TIMELESS: variants seen among roughly 807,000 people sequenced by gnomAD.
TIMELESS encodes protein timeless homolog.
TIMELESS carries 124 observed loss-of-function variants against 164.3 expected under a neutral mutation model. The ratio of observed to expected loss-of-function variants is 0.75; its 90% confidence interval spans 0.65 to 0.88. The LOEUF (loss-of-function observed/expected upper bound fraction) is 0.88. TIMELESS is among the 40% of genes least tolerant of loss of function. The pLI is 0.00. For missense variants in TIMELESS, 1,422 were observed against 1,491.4 expected (o/e 0.95, Z 0.77); for synonymous variants, 564 against 563.4 (o/e 1.00, Z -0.02).
intron 21 of TIMELESS, 32 bp downstream of exon 21, chr12:56,421,867 C>G (rs769301886): frequency 2.5e-6 from 4 of 1,613,246 alleles, no homozygotes; most frequent in Middle Eastern, 1.6e-4. Flanking sequence ...GAGTCCCCAT[C>G]CCAATAGCCT....
rs753391222 is a variant in TIMELESS, at chr12:56,420,794, G to C, written c.3109+19C>G. ...AGCCTCCAGGGCTCTTCTCCTAAAAGTGTCACCTGTCCACTCACCATCCTC... is the reference window on the plus strand; with the variant it reads ...AGCCTCCAGGGCTCTTCTCCTAAAACTGTCACCTGTCCACTCACCATCCTC... On this transcript the variant is annotated intron_variant, in intron 25 of 28. Transcript: ENST00000553532. 1.9e-6 allele frequency: 3 copies of C among 1,614,140 alleles called. No individual in the cohort carries two copies. Among genetic ancestry groups the C allele is most frequent in the Non-Finnish European group, 1.7e-6 (2 of 1,179,990 alleles).
At chr12:56,446,589 G>A (rs1180833728) in intron 1 of TIMELESS, among the ~76,000 whole-genome samples, 2 of 152,044 alleles carry the variant, frequency 1.3e-5, no homozygotes, top group African/African-American at 2.4e-5. Context: ...CCAGCACTTT[G>A]GGTGGCTGAG....
At chr12:56,437,180 C>G (rs182708932) in intron 1 of TIMELESS, among the ~76,000 whole-genome samples, 16 of 152,170 alleles carry the variant, frequency 1.1e-4, no homozygotes, top group Non-Finnish European at 1.0e-4. Flanking sequence ...CCACACACCT[C>G]GGCCTCCCAA....
intron 10 of TIMELESS, among the ~76,000 whole-genome samples, chr12:56,429,838 C>T (rs703829): frequency 0.42 from 63,874 of 151,494 alleles, 14,715 homozygotes; most frequent in East Asian, 0.73. Flanking sequence ...CTCTAGGATC[C>T]ACAATTTCCA....
At chr12:56,428,074 C>G (rs1032281173) in intron 13 of TIMELESS, among the ~76,000 whole-genome samples, 162 bp downstream of exon 13, 1 of 152,190 alleles carries the variant, frequency 6.6e-6, no homozygotes, top group Non-Finnish European at 1.5e-5. Flanking sequence ...GAGAAGGAAA[C>G]TGTAGTAGAC....
At position 56,428,366 on chromosome 12, in the gene TIMELESS, A is replaced by G. The variant is rs1881745567; in HGVS notation, c.1448T>C (p.Leu483Pro). ...FYVMEYRELFLALFRKFDERC... is the reference protein window; with the variant it reads ...FYVMEYRELFPALFRKFDERC... ...CTCATCAAACTTTCGAAAAAGTGCC[A>G]GGAATAGTTCTCGGTACTCCATCAC... The change falls in exon 13 of 29, where the codon CTG (leucine) becomes CCG (proline). Residue 483 changes from leucine (L) to proline (P), a missense_variant. By Grantham distance (98) the Leu-to-Pro change is moderately conservative. Transcript: ENST00000553532. 1.2e-6 allele frequency: 2 copies of G among 1,613,192 alleles called. No individual in the cohort carries two copies. Among genetic ancestry groups the G allele is most frequent in the Middle Eastern group, 1.7e-4 (1 of 6,056 alleles).
In TIMELESS at chr12:56,433,365, G is replaced by A. The variant is rs746949044; in HGVS notation, c.429+16C>T. The A allele has an allele frequency of 6.2e-7, 1 of 1,613,860 alleles. No homozygotes were observed. The highest frequency in any genetic ancestry group is 1.3e-5 in the African/African-American group (1 of 74,910). On this transcript the variant is annotated intron_variant, in intron 5 of 28. Coordinates refer to ENST00000553532, the MANE Select transcript of TIMELESS (RefSeq NM_003920.5). Reference sequence around the variant, plus strand: ...ATGCTGTCCCATGGTATCCTGTAAGGTGAAGACTCACTCACCAGCTGCAGC... The same window carrying A: ...ATGCTGTCCCATGGTATCCTGTAAGATGAAGACTCACTCACCAGCTGCAGC...
intron 13 of TIMELESS, among the ~76,000 whole-genome samples, chr12:56,427,592 C>T (rs1881719599): frequency 2.0e-5 from 3 of 151,672 alleles, no homozygotes; most frequent in Admixed American, 6.6e-5. Flanking sequence ...CTTTGTGTTG[C>T]TGTTGAGACA....
At chr12:56,444,483 ATTCC>A (rs1490739355) in intron 1 of TIMELESS, among the ~76,000 whole-genome samples, 1 of 152,076 alleles carries the variant, frequency 6.6e-6, no homozygotes. Flanking sequence ...TTAGTTGGTT[ATTCC>A]TTATTTCCAA....
At chr12:56,443,898 CT>C (rs1225876764) in intron 1 of TIMELESS, among the ~76,000 whole-genome samples, 340 of 134,786 alleles carry the variant, frequency 2.5e-3, no homozygotes, top group Middle Eastern at 3.7e-3. Flanking sequence ...TTTCGGTATT[CT>C]TTTTTTTTTT....
At position 56,430,948 on chromosome 12, in the gene TIMELESS, G is replaced by T. The variant is rs756047199; in HGVS notation, c.842C>A (p.Ser281Tyr). 6.3e-7 allele frequency: 1 copy of T among 1,588,952 alleles called. No individual in the cohort carries two copies. Among genetic ancestry groups the T allele is most frequent in the Non-Finnish European group, 8.5e-7 (1 of 1,170,598 alleles). The change falls in exon 9 of 29, where the codon TCC (serine) becomes TAC (tyrosine). Residue 281 changes from serine (S) to tyrosine (Y), a missense_variant. Transcript: ENST00000553532. ...GGATTTCAACCCCTGGACAATATAG[G>T]AGCCCCCAAATCGAGAATGCCTGCA... ...RGNRHSRFGG[S>Y]YIVQGLKSIG...
At chr12:56,440,142 T>C (rs1316609762) in intron 1 of TIMELESS, among the ~76,000 whole-genome samples, 1 of 144,108 alleles carries the variant, frequency 6.9e-6, no homozygotes, top group Non-Finnish European at 1.5e-5. Context: ...CCTTTTTTTT[T>C]TTTTTTTTTT....
At chr12:56,423,092 T>G in intron 18 of TIMELESS, 100 bp from the exon 19 acceptor site, 1 of 1,460,852 alleles carries the variant, frequency 6.8e-7, no homozygotes, top group Non-Finnish European at 9.3e-7. Flanking sequence ...AGCTGCCCCC[T>G]CCTCACTCAC....
Position 56,430,179 on chromosome 12 carries a change from C to T in TIMELESS, c.1012G>A (p.Val338Met), listed in dbSNP as rs756477632. The change falls in exon 10 of 29, where the codon GTG (valine) becomes ATG (methionine). Residue 338 changes from valine (V) to methionine (M), a missense_variant. Coordinates refer to ENST00000553532, the MANE Select transcript of TIMELESS (RefSeq NM_003920.5). ...LSIQRRSALN[V>M]RLFLRDFCSE... ...CAGAAGTCTCTGAGGAAGAGCCTCA[C>T]ATTGAGGGCAGAACGGCGCTGAATG... The T allele has an allele frequency of 2.5e-6, 4 of 1,614,104 alleles. No individual in the cohort carries two copies. The South Asian group carries it at 4.4e-5, about 18-fold the overall frequency.
chr12:56,440,862 G>C (rs2136152360), intron 1 of TIMELESS, among the ~76,000 whole-genome samples: 1 of 152,338 alleles, frequency 6.6e-6, no homozygotes, highest in South Asian at 2.1e-4. Flanking sequence ...CTGTCACCCA[G>C]GCTGGAATGC....
chr12:56,443,548 G>C (rs1014141453), intron 1 of TIMELESS, among the ~76,000 whole-genome samples: 1 of 152,150 alleles, frequency 6.6e-6, no homozygotes, highest in Non-Finnish European at 1.5e-5. Context: ...TTGTGATCCT[G>C]CTCTGCCCTT....
intron 10 of TIMELESS, among the ~76,000 whole-genome samples, chr12:56,429,671 T>G (rs1406134758): frequency 6.7e-6 from 1 of 149,370 alleles, no homozygotes; most frequent in Non-Finnish European, 1.5e-5. Flanking sequence ...CGGCTAATTT[T>G]TTTTTTTTTT....
At chr12:56,442,772 GC>G (rs1868295161) in intron 1 of TIMELESS, among the ~76,000 whole-genome samples, 2 of 152,182 alleles carry the variant, frequency 1.3e-5, no homozygotes, top group Non-Finnish European at 2.9e-5. Flanking sequence ...GGAGAGACCG[GC>G]TGAAGCCACA....
chr12:56,447,227 T>C (rs1017230275), intron 1 of TIMELESS, among the ~76,000 whole-genome samples: 2 of 144,160 alleles, frequency 1.4e-5, no homozygotes, highest in Admixed American at 7.0e-5. Flanking sequence ...ATAGGAATTC[T>C]TATTCACCCT....
Sources: gnomAD v4.1 joint callset for allele counts (sites outside exome capture counted in the v4.1 genomes callset) on GRCh38, gnomAD v4.1.1 for gene constraint, MANE v1.5 for transcripts, NCBI Gene and HGNC (gene_info 2026-07-23, HGNC 2026-07-21) for gene names.